Variants in BAZ2B observed in about 807,000 individuals in gnomAD.
BAZ2B encodes bromodomain adjacent to zinc finger domain 2B, also known as bromodomain adjacent to zinc finger domain protein 2B.
BAZ2B carries 91 observed loss-of-function variants against 246.0 expected under a neutral mutation model. The ratio of observed to expected loss-of-function variants is 0.37; its 90% CI spans 0.31 to 0.44. The LOEUF (loss-of-function observed/expected upper bound fraction) is 0.44. Ranked by LOEUF, BAZ2B falls within the 20% of genes least tolerant of loss-of-function variation. The probability of loss-of-function intolerance (pLI) is 1.00; values close to 1 mark genes in which losing one functional copy is unlikely to be tolerated. For missense variants in BAZ2B, 2,332 were observed against 2,533.7 expected (o/e 0.92, Z 1.71); for synonymous variants, 855 against 860.0 (o/e 0.99, Z 0.10).
the BAZ2B span, among the ~76,000 whole-genome samples, chr2:159,698,527 A>AC: frequency 6.9e-6 from 1 of 145,354 alleles, no homozygotes; most frequent in Non-Finnish European, 1.5e-5. Flanking sequence ...AAAAAAAAAA[A>AC]ACAAAAAAAA....
At chr2:159,495,515 AAT>A (rs1317990818) in intron 2 of BAZ2B, among the ~76,000 whole-genome samples, 44 of 145,316 alleles carry the variant, frequency 3.0e-4, no homozygotes, top group East Asian at 1.2e-3. Flanking sequence ...AAAAAAAAAA[AAT>A]TTAATATGAA....
At chr2:159,329,117 T>G (rs1575646565) in intron 34 of BAZ2B, among the ~76,000 whole-genome samples, 2 of 132,948 alleles carry the variant, frequency 1.5e-5, no homozygotes, top group African/African-American at 2.9e-5. Flanking sequence ...GGCAACAGAG[T>G]GAGACTCTGT....
At position 159,555,261 on chromosome 2, in the gene BAZ2B, T is replaced by C. The variant is rs370984719; in HGVS notation, c.-3+562A>G. ...TGTGTGCCACCATGCCCAGCTATTT[T>C]TGTATTTTTAGTAGAGTCGGGGTTT... On this transcript the variant is annotated intron_variant, in intron 2 of 36. Transcript: ENST00000392783. 2.0e-5 allele frequency among the ~76,000 whole-genome samples: 3 copies of C among 152,114 alleles called. No individual in the cohort carries two copies. In the East Asian group the frequency reaches 5.8e-4, roughly 29 times the overall value.
At chr2:159,361,564 C>G (rs1466000439) in intron 27 of BAZ2B, among the ~76,000 whole-genome samples, 1 of 152,118 alleles carries the variant, frequency 6.6e-6, no homozygotes, top group Non-Finnish European at 1.5e-5. Flanking sequence ...GGATCTACAA[C>G]CAGAAATACA....
intron 2 of BAZ2B, among the ~76,000 whole-genome samples, chr2:159,496,557 C>T (rs562631149): frequency 3.1e-4 from 46 of 147,136 alleles, no homozygotes; most frequent in African/African-American, 1.1e-3. Context: ...CCAAGGTGGG[C>T]GGATCACCTG....
the BAZ2B span, among the ~76,000 whole-genome samples, chr2:159,698,316 A>C: frequency 6.6e-6 from 1 of 151,914 alleles, no homozygotes; most frequent in Non-Finnish European, 1.5e-5. Context: ...GAGTCCATTG[A>C]GTTTGAGACC....
upstream of BAZ2B, among the ~76,000 whole-genome samples, chr2:159,619,189 A>C (rs1573848122): frequency 6.6e-6 from 1 of 152,028 alleles, no homozygotes; most frequent in East Asian, 1.9e-4. Flanking sequence ...CATAATTCAA[A>C]AATTTTTATA....
chr2:159,414,391 T>G lies in BAZ2B; in HGVS notation c.2467-1846A>C, dbSNP rs909510343. 5.9e-5 allele frequency among the ~76,000 whole-genome samples: 9 copies of G among 152,110 alleles called. 1 individual carries two copies. Among genetic ancestry groups the G allele is most frequent in the East Asian group, 3.8e-4 (2 of 5,200 alleles). ...CATGGTGACTACAATCAACAATAAT[T>G]TATCATACATTTAAAAAAACCTAAA... On this transcript the variant is annotated intron_variant, in intron 13 of 36. Coordinates refer to ENST00000392783, the MANE Select transcript of BAZ2B (RefSeq NM_013450.4).
the BAZ2B span, among the ~76,000 whole-genome samples, chr2:159,688,865 G>T: frequency 2.0e-5 from 3 of 152,350 alleles, no homozygotes; most frequent in South Asian, 2.1e-4. Flanking sequence ...TACAGCAGAA[G>T]CGATGTGCTC....
At chr2:159,554,487 T>A (rs574235856) in intron 2 of BAZ2B, among the ~76,000 whole-genome samples, 146 of 151,986 alleles carry the variant, frequency 9.6e-4, no homozygotes, top group African/African-American at 3.4e-3. Flanking sequence ...GGAAAATGAA[T>A]AAAATATGCT....
intron 20 of BAZ2B, among the ~76,000 whole-genome samples, chr2:159,390,482 T>C (rs2063196470): frequency 6.6e-6 from 1 of 152,164 alleles, no homozygotes; most frequent in South Asian, 2.1e-4. Context: ...TTATGTTTCA[T>C]AGCTCTTAAC....
intron 31 of BAZ2B, among the ~76,000 whole-genome samples, chr2:159,343,397 G>A (rs1309404352): frequency 6.6e-6 from 1 of 151,922 alleles, no homozygotes; most frequent in African/African-American, 2.4e-5. Flanking sequence ...ATAAACAAAT[G>A]CAACTACATC....
the BAZ2B span, among the ~76,000 whole-genome samples, chr2:159,632,629 T>C: frequency 6.6e-6 from 1 of 152,148 alleles, no homozygotes; most frequent in Non-Finnish European, 1.5e-5. Flanking sequence ...AAATCAGCCA[T>C]GGTGGGAATG....
At chr2:159,647,463 C>T in the BAZ2B span, among the ~76,000 whole-genome samples, 20 of 152,142 alleles carry the variant, frequency 1.3e-4, no homozygotes, top group Non-Finnish European at 2.5e-4. Context: ...TTAGGGAGAA[C>T]AATCTCCTTT....
chr2:159,707,883 C>T, the BAZ2B span, among the ~76,000 whole-genome samples: 1 of 151,690 alleles, frequency 6.6e-6, no homozygotes, highest in Non-Finnish European at 1.5e-5. Flanking sequence ...CCGAGCTACT[C>T]GGGAGGCTGA....
the BAZ2B span, among the ~76,000 whole-genome samples, chr2:159,655,307 A>AT: frequency 6.6e-6 from 1 of 152,134 alleles, no homozygotes; most frequent in East Asian, 1.9e-4. Flanking sequence ...CTGAAAGCTA[A>AT]TTTTGTGGTA....
intron 3 of BAZ2B, among the ~76,000 whole-genome samples, chr2:159,469,490 C>T (rs912495418): frequency 5.3e-5 from 8 of 152,104 alleles, no homozygotes; most frequent in Admixed American, 3.9e-4. Flanking sequence ...GGCTGGAGTG[C>T]GGTGGTACAA....
chr2:159,544,727 T>C (rs1340350902), intron 2 of BAZ2B, among the ~76,000 whole-genome samples: 1 of 152,158 alleles, frequency 6.6e-6, no homozygotes, highest in Non-Finnish European at 1.5e-5. Context: ...CTTTGAAGAA[T>C]GGATTGGCAT....
chr2:159,498,505 T>C (rs527828719), intron 2 of BAZ2B, among the ~76,000 whole-genome samples: 2 of 152,314 alleles, frequency 1.3e-5, no homozygotes, highest in South Asian at 4.1e-4. Flanking sequence ...AATAGTGACA[T>C]TTTTATTTTA....
Sources: gnomAD v4.1 joint callset for allele counts (sites outside exome capture counted in the v4.1 genomes callset) on GRCh38, gnomAD v4.1.1 for gene constraint, MANE v1.5 for transcripts, NCBI Gene and HGNC (gene_info 2026-07-23, HGNC 2026-07-21) for gene names.